The following FRMPD2 variants were observed in gnomAD, a reference collection of about 807,000 sequenced individuals.
FRMPD2 encodes the protein FERM and PDZ domain containing 2.
FRMPD2 carries 96 observed loss-of-function variants against 140.1 expected under a neutral mutation model. The observed-to-expected ratio is 0.69, with a 90% CI of 0.58 to 0.81. The LOEUF (loss-of-function observed/expected upper bound fraction) is 0.81, where lower values mean the gene tolerates loss of function less well. FRMPD2 is among the 40% of genes least tolerant of loss of function. The pLI is 0.00. For synonymous variants in FRMPD2, 449 were observed against 547.6 expected, an observed-to-expected ratio of 0.82 and a Z score of 2.52; for missense variants, 1,240 against 1,447.4, an observed-to-expected ratio of 0.86 and a Z score of 2.32.
At chr10:48,199,273 C>CA (rs377604893) in intron 15 of FRMPD2, among the ~76,000 whole-genome samples, 18,123 of 119,502 alleles carry the variant, frequency 0.15, 2,037 homozygotes, top group African/African-American at 0.33. Context: ...TGAGTTCAGG[C>CA]AAAAAAAAAA....
At chr10:48,207,718 C>T (rs1264563006) in intron 13 of FRMPD2, among the ~76,000 whole-genome samples, 1 of 152,182 alleles carries the variant, frequency 6.6e-6, no homozygotes, top group East Asian at 1.9e-4. Flanking sequence ...GTCTCTGGGA[C>T]CCACAGCAAG....
At chr10:48,185,365 A>G (rs564191582) in intron 18 of FRMPD2, among the ~76,000 whole-genome samples, 188 bp downstream of exon 18, 1 of 152,342 alleles carries the variant, frequency 6.6e-6, no homozygotes, top group East Asian at 1.9e-4. Context: ...AAACTTGGAA[A>G]CAAAAGTCCC....
intron 16 of FRMPD2, among the ~76,000 whole-genome samples, chr10:48,187,979 C>G (rs879542911): frequency 6.6e-6 from 1 of 152,132 alleles, no homozygotes; most frequent in Admixed American, 6.5e-5. Flanking sequence ...TTGCCACAGC[C>G]CCGGGGTCAG....
intron 4 of FRMPD2, 130 bp from the exon 5 acceptor site, chr10:48,242,482 C>T (rs1471427555): frequency 1.4e-6 from 1 of 704,462 alleles, no homozygotes; most frequent in African/African-American, 1.8e-5. Flanking sequence ...GATGCCTGCC[C>T]CTTCTGGAGA....
chr10:48,202,110 G>GAA (rs557905925), intron 14 of FRMPD2, among the ~76,000 whole-genome samples: 1 of 151,554 alleles, frequency 6.6e-6, no homozygotes, highest in Non-Finnish European at 1.5e-5. Flanking sequence ...AGAGCCTTAT[G>GAA]AAAAAAAAGT....
chr10:48,214,307 CTCCATATTCTATTTGACTT>C (rs1839395589), intron 12 of FRMPD2, among the ~76,000 whole-genome samples: 1 of 152,202 alleles, frequency 6.6e-6, no homozygotes, highest in Admixed American at 6.5e-5. Flanking sequence ...AGAGATTCAT[CTCCATATTCTATTTGACTT>C]CAACAATAGC....
rs757038094 is a variant in FRMPD2 at position 48,192,674 on chromosome 10, TCACACCCA to T, written c.2165+2_2165+9del. On this transcript the variant is annotated splice_donor_variant and splice_donor_5th_base_variant and intron_variant, in intron 16 of 28. Coordinates refer to ENST00000374201, the MANE Select transcript of FRMPD2 (RefSeq NM_001018071.4). LOFTEE classifies it high-confidence loss of function. Reference sequence around the variant, plus strand: ...GGTTTGGGCCCAGAGAACAAATGTGTCACACCCACCTGCGCCCGATGCCTTCTGCTCCA... The same window carrying T: ...GGTTTGGGCCCAGAGAACAAATGTGTCCTGCGCCCGATGCCTTCTGCTCCA... 3.1e-6 allele frequency: 5 copies of T among 1,612,356 alleles called. No individual in the cohort carries two copies. The highest frequency in any genetic ancestry group is 4.2e-6 in the Non-Finnish European group (5 of 1,178,832).
rs558927428 is a variant in FRMPD2 at position 48,201,368 on chromosome 10, A to T, written c.1814T>A (p.Ile605Asn). ...KISTYQKKFT[I>N]TSSVTGKKHT... is the part of the protein sequence containing the mutation. ...CTTCTTCCCAGTGACACTGCTTGTG[A>T]TGGTGAACTTTTTTTGCTGAAGGAA... Residue 605 changes from isoleucine (I) to asparagine (N), a missense_variant, in exon 15 of 29, where the codon ATC becomes AAC. This residue lies in a region of FRMPD2 where 1,161 missense variants were observed against 1,055.9 expected (regional missense o/e 1.10). Transcript: ENST00000374201. 6.2e-7 allele frequency: 1 copy of T among 1,613,602 alleles called. No homozygotes were observed. Among genetic ancestry groups the T allele is most frequent in the East Asian group, 2.2e-5 (1 of 44,860 alleles).
chr10:48,235,302 G>A (rs72792239), intron 9 of FRMPD2, among the ~76,000 whole-genome samples: 14,506 of 152,256 alleles, frequency 0.095, 862 homozygotes, highest in Non-Finnish European at 0.13. Flanking sequence ...CACACAGTGG[G>A]TGCCCGTCAG....
chr10:48,267,612 A>T (rs1840700451), intron 1 of FRMPD2, among the ~76,000 whole-genome samples: 2 of 152,248 alleles, frequency 1.3e-5, no homozygotes, highest in African/African-American at 4.8e-5. Flanking sequence ...AAGAACTCCT[A>T]CAATTCCTTA....
chr10:48,183,300 G>A (rs141266866), intron 20 of FRMPD2, among the ~76,000 whole-genome samples: 11 of 152,224 alleles, frequency 7.2e-5, no homozygotes, highest in African/African-American at 1.4e-4. Context: ...TAGTTTACAG[G>A]ATCACCCAAC....
chr10:48,213,409 T>C (rs1417406520), intron 12 of FRMPD2, among the ~76,000 whole-genome samples: 9 of 152,256 alleles, frequency 5.9e-5, no homozygotes, highest in Non-Finnish European at 1.0e-4. Flanking sequence ...CATTTTAGAA[T>C]ACAGTTTGGT....
intron 20 of FRMPD2, among the ~76,000 whole-genome samples, 183 bp downstream of exon 20, chr10:48,184,383 T>C (rs1292418985): frequency 6.6e-6 from 1 of 152,152 alleles, no homozygotes; most frequent in Non-Finnish European, 1.5e-5. Context: ...TAACGCCCAT[T>C]CTGCCCCTGA....
intron 12 of FRMPD2, among the ~76,000 whole-genome samples, chr10:48,217,173 T>C (rs1588835754): frequency 1.3e-5 from 2 of 152,226 alleles, no homozygotes; most frequent in East Asian, 1.9e-4. Flanking sequence ...CTGTTATCTG[T>C]AGTGTCTTCC....
chr10:48,272,436 C>CA (rs1186726354), intron 1 of FRMPD2, among the ~76,000 whole-genome samples: 11 of 152,314 alleles, frequency 7.2e-5, no homozygotes, highest in African/African-American at 2.6e-4. Flanking sequence ...TGTTGAAACT[C>CA]ACCATTTCCA....
Position 48,240,427 on chromosome 10 carries a change from C to A in FRMPD2, c.633G>T (p.Lys211Asn), listed in dbSNP as rs374213371. The A allele has an allele frequency of 6.2e-7, 1 of 1,613,728 alleles. No individual in the cohort carries two copies. Among genetic ancestry groups the A allele is most frequent in the Non-Finnish European group, 8.5e-7 (1 of 1,180,038 alleles). ...VQQNRSYLLRKRLRGTSSESP... is the reference protein window; with the variant it reads ...VQQNRSYLLRNRLRGTSSESP... ...TCTCGCTGCTTGTCCCACGCAGCCT[C>A]TTCCTGAGCAGGTAGCTTCTGTTCT... The change falls in exon 6 of 29, where the codon AAG becomes AAT. Residue 211 changes from lysine to asparagine, a missense_variant. By Grantham distance (94) the Lys-to-Asn change is moderately conservative. Coordinates refer to ENST00000374201, the MANE Select transcript of FRMPD2 (RefSeq NM_001018071.4).
intron 27 of FRMPD2, 72 bp from the exon 28 acceptor site, chr10:48,163,743 T>C (rs1838017796): frequency 2.5e-6 from 2 of 786,664 alleles, no homozygotes; most frequent in Admixed American, 3.5e-5. Flanking sequence ...AAAGCTTTTT[T>C]CCCCCATGTG....
chr10:48,159,530 C>T (rs1226338609), intron 28 of FRMPD2, among the ~76,000 whole-genome samples: 1 of 151,876 alleles, frequency 6.6e-6, no homozygotes, highest in Non-Finnish European at 1.5e-5. Context: ...GCATCCCTCC[C>T]TAACTACTCT....
At chr10:48,267,262 T>A (rs1840694335) in intron 1 of FRMPD2, among the ~76,000 whole-genome samples, 1 of 152,108 alleles carries the variant, frequency 6.6e-6, no homozygotes, top group African/African-American at 2.4e-5. Context: ...CTGACCAGGA[T>A]TTTCGTGAGC....
Sources: gnomAD v4.1 joint callset for allele counts (sites outside exome capture counted in the v4.1 genomes callset) on GRCh38, gnomAD v4.1.1 for gene constraint, gnomAD v4.1.1 regional missense constraint, MANE v1.5 for transcripts, NCBI Gene and HGNC (gene_info 2026-07-23, HGNC 2026-07-21) for gene names.